ELFN1: variants seen among roughly 807,000 people sequenced by gnomAD.
ELFN1 encodes protein ELFN1.
In ELFN1, 6 loss-of-function variants were observed where a neutral mutation model predicts 7.6. The ratio of observed to expected loss-of-function variants is 0.79; its 90% CI spans 0.43 to 1.56. The LOEUF (loss-of-function observed/expected upper bound fraction) is 1.56, where lower values mean the gene tolerates loss of function less well. Among genes scored for constraint, ELFN1 ranks in the 40% most tolerant of loss-of-function variants. The pLI, the probability that ELFN1 is intolerant of heterozygous loss-of-function variation, is 0.01. For synonymous variants in ELFN1, 657 were observed against 588.1 expected, an observed-to-expected ratio of 1.12 and a Z score of -1.70; for missense variants, 1,169 against 1,232.2, an observed-to-expected ratio of 0.95 and a Z score of 0.77.
Position 1,745,029 on chromosome 7 carries a change from G to A in ELFN1, c.433G>A (p.Glu145Lys). Residue 145 changes from glutamate (E) to lysine (K), a missense_variant, in exon 4 of 4, where the codon GAG (glutamate) becomes AAG (lysine). By Grantham distance (56) the Glu-to-Lys change is moderately conservative (BLOSUM62 1). Coordinates refer to ENST00000424383, the MANE Select transcript of ELFN1 (RefSeq NM_001128636.4). ...CCTGTACCTGCAGGCCAACCTCATC[G>A]AGGTGGTCATGGCCAGCAGCTTCTG... ...EYLYLQANLI[E>K]VVMASSFWEC... 6.4e-7 allele frequency: 1 copy of A among 1,551,108 alleles called. No individual in the cohort carries two copies. Among genetic ancestry groups the A allele is most frequent in the Non-Finnish European group, 8.7e-7 (1 of 1,146,992 alleles).
At chr7:1,732,056 C>G (rs1780335834) in intron 3 of ELFN1, among the ~76,000 whole-genome samples, 1 of 152,196 alleles carries the variant, frequency 6.6e-6, no homozygotes, top group Non-Finnish European at 1.5e-5. Context: ...CCAGCCCTAC[C>G]TGCCCCGAGC....
upstream of ELFN1, among the ~76,000 whole-genome samples, chr7:1,670,006 G>T (rs538981442): frequency 6.6e-6 from 1 of 151,424 alleles, no homozygotes; most frequent in Admixed American, 6.6e-5. The surrounding 1 kb of genome is among the most constrained non-coding windows in gnomAD (Gnocchi z 6.4). Flanking sequence ...GGAAGGAGCG[G>T]GTTGCCGCGG....
At chr7:1,730,033 C>T (rs1182317519) in intron 3 of ELFN1, among the ~76,000 whole-genome samples, 1 of 152,234 alleles carries the variant, frequency 6.6e-6, no homozygotes, top group Non-Finnish European at 1.5e-5. Flanking sequence ...CGGGGACCAG[C>T]CCCTCCCAGA....
intron 3 of ELFN1, among the ~76,000 whole-genome samples, chr7:1,714,088 G>A (rs1048598088): frequency 1.3e-5 from 2 of 152,210 alleles, no homozygotes; most frequent in African/African-American, 4.8e-5. Context: ...AGGAACCTGG[G>A]ACGTTGAGTT....
At chr7:1,723,010 C>T (rs1372445915) in intron 3 of ELFN1, among the ~76,000 whole-genome samples, 4 of 152,104 alleles carry the variant, frequency 2.6e-5, no homozygotes, top group African/African-American at 9.7e-5. Flanking sequence ...GCCTGGCCAA[C>T]ATGGTGAAAC....
At position 1,747,520 on chromosome 7, in the gene ELFN1, G is replaced by C. The variant is rs1278474463; in HGVS notation, c.*437G>C. ...TAAAAAGACATAAAATGCCATCCGT[G>C]GGGGGTGTGGCCGGCGTGGCCACCT... On this transcript the variant is annotated 3_prime_UTR_variant, in exon 4 of 4. Coordinates refer to ENST00000424383, the MANE Select transcript of ELFN1 (RefSeq NM_001128636.4). 1.8e-5 allele frequency: 3 copies of C among 165,356 alleles called. No individual in the cohort carries two copies. Among genetic ancestry groups the C allele is most frequent in the African/African-American group, 7.2e-5 (3 of 41,480 alleles). The allele number at this position is 165,356 out of a possible 1,614,324, so 10.2% of individuals were successfully genotyped here. A position where few individuals can be genotyped will look rare whatever the true frequency, so the allele number is the denominator to read the frequency against.
Position 1,745,958 on chromosome 7 carries a change from C to T in ELFN1, c.1362C>T (p.Ala454=). Residue 454 remains alanine (A), a synonymous_variant, in exon 4 of 4, where the codon GCC becomes GCT. Coordinates refer to ENST00000424383, the MANE Select transcript of ELFN1 (RefSeq NM_001128636.4). ...RRQEEKHKKA[A]SAAAAGSLKK... is the part of the protein sequence containing the mutation. ...AGGAGGAGAAGCACAAGAAGGCCGCCTCGGCAGCCGCAGCTGGCAGCCTCA... is the reference window on the plus strand; with the variant it reads ...AGGAGGAGAAGCACAAGAAGGCCGCTTCGGCAGCCGCAGCTGGCAGCCTCA... The T allele has an allele frequency of 1.3e-6, 2 of 1,547,724 alleles. No homozygotes were observed. The highest frequency in any genetic ancestry group is 1.7e-6 in the Non-Finnish European group (2 of 1,145,552).
intron 1 of ELFN1, among the ~76,000 whole-genome samples, chr7:1,672,934 C>T (rs534619245): frequency 8.5e-4 from 129 of 151,312 alleles, no homozygotes; most frequent in African/African-American, 2.7e-3. Flanking sequence ...GGTGGCGGGG[C>T]GGGGGGCAGG....
chr7:1,737,101 G>A (rs966779883), intron 3 of ELFN1, among the ~76,000 whole-genome samples: 2 of 152,024 alleles, frequency 1.3e-5, no homozygotes, highest in South Asian at 2.1e-4. Flanking sequence ...TTCATGGCTC[G>A]AACACACCCC....
chr7:1,679,177 G>GCACACACACACA (rs148307616), intron 1 of ELFN1, among the ~76,000 whole-genome samples: 3 of 149,462 alleles, frequency 2.0e-5, no homozygotes, highest in African/African-American at 7.6e-5. Flanking sequence ...ACACGTACGC[G>GCACACACACACA]CGCACACACA....
intron 1 of ELFN1, among the ~76,000 whole-genome samples, chr7:1,686,721 G>C (rs1779067987): frequency 6.6e-6 from 1 of 152,052 alleles, no homozygotes; most frequent in Non-Finnish European, 1.5e-5. Flanking sequence ...TGTCTCCTCT[G>C]CATATGCCTA....
At chr7:1,726,935 G>T (rs1380129089) in intron 3 of ELFN1, among the ~76,000 whole-genome samples, 1 of 152,186 alleles carries the variant, frequency 6.6e-6, no homozygotes, top group Non-Finnish European at 1.5e-5. Context: ...TCCTCTGAGG[G>T]TCGTTTTACA....
rs1271254512 is a variant in ELFN1 at position 1,746,279 on chromosome 7, G to A, written c.1683G>A (p.Glu561=). 3 of 1,595,972 alleles carry A rather than the reference G, an allele frequency of 1.9e-6. No homozygotes were observed. Among genetic ancestry groups the A allele is most frequent in the Non-Finnish European group, 2.6e-6 (3 of 1,172,494 alleles). The change falls in exon 4 of 4, where the codon GAG becomes GAA. Residue 561 remains glutamate, a synonymous_variant. Transcript: ENST00000424383. Reference sequence around the variant, plus strand: ...CCGAGATCTCCACCATCGCCAAGGAGGTGGACAAGGTCAACCAGATCATCA... The same window carrying A: ...CCGAGATCTCCACCATCGCCAAGGAAGTGGACAAGGTCAACCAGATCATCA... ...SVAEISTIAK[E]VDKVNQIINN... is the part of the protein sequence containing the mutation.
rs1021506963 is a variant in ELFN1 at position 1,735,986 on chromosome 7, T to C, written c.-293-8318T>C. Among the ~76,000 whole-genome samples, 1 of 152,142 alleles carries C rather than the reference T, an allele frequency of 6.6e-6. No individual in the cohort carries two copies. The highest frequency in any genetic ancestry group is 2.4e-5 in the African/African-American group (1 of 41,446). ...GCACGGCAGAGCCAACACCATCTCC[T>C]GGCCCACGATGGTTCTGTGTCCCCT... On this transcript the variant is annotated intron_variant, in intron 3 of 3. Transcript: ENST00000424383. This position sits in a 1 kb window ranked among gnomAD's most constrained non-coding sequence, Gnocchi z 5.9.
chr7:1,693,329 C>A (rs116937847), intron 2 of ELFN1: 149 of 460,340 alleles, frequency 3.2e-4, no homozygotes, highest in Middle Eastern at 9.9e-4. Flanking sequence ...TGCCCGATTC[C>A]AAGAGTCTGG....
rs1257210291 is a variant in ELFN1, at chr7:1,673,445, C to T, written c.-549+3091C>T. Among the ~76,000 whole-genome samples, 2 of 152,152 alleles carry T rather than the reference C, an allele frequency of 1.3e-5. No homozygotes were observed. The highest frequency in any genetic ancestry group is 2.9e-5 in the Non-Finnish European group (2 of 68,008). On this transcript the variant is annotated intron_variant, in intron 1 of 3. Coordinates refer to ENST00000424383, the MANE Select transcript of ELFN1 (RefSeq NM_001128636.4). The surrounding 1 kb of genome is among the most constrained non-coding windows in gnomAD (Gnocchi z 4.7). Reference sequence around the variant, plus strand: ...AGTGGCACCGACAGTAAACAGGAAGCAGGGTGGCAGCTATGGGCACTCGAG... The same window carrying T: ...AGTGGCACCGACAGTAAACAGGAAGTAGGGTGGCAGCTATGGGCACTCGAG...
chr7:1,670,182 G>A (rs1778735264), upstream of ELFN1, among the ~76,000 whole-genome samples: 2 of 146,268 alleles, frequency 1.4e-5, no homozygotes, highest in South Asian at 4.4e-4. The surrounding 1 kb of genome is among the most constrained non-coding windows in gnomAD (Gnocchi z 6.4). Flanking sequence ...AAGGGGGGCG[G>A]GAGGGGGCAG....
Position 1,690,175 on chromosome 7 carries a change from G to A in ELFN1, c.-456+2025G>A, listed in dbSNP as rs138530321. ...TGGATAGGTGAGTGGATGGATGGGT[G>A]GGTAAATGGATGAATGGATGAATAA... On this transcript the variant is annotated intron_variant, in intron 2 of 3. Coordinates refer to ENST00000424383, the MANE Select transcript of ELFN1 (RefSeq NM_001128636.4). 9.1e-3 allele frequency among the ~76,000 whole-genome samples: 1,380 copies of A among 152,152 alleles called. 53 individuals carry two copies. Among genetic ancestry groups the A allele is most frequent in the Non-Finnish European group, 4.2e-3 (287 of 67,986 alleles).
At chr7:1,721,654 C>T (rs964005509) in intron 3 of ELFN1, among the ~76,000 whole-genome samples, 10 of 152,212 alleles carry the variant, frequency 6.6e-5, no homozygotes, top group African/African-American at 1.2e-4. Context: ...CTCAGTCCAT[C>T]GGGTGTTTCC....
Sources: allele counts gnomAD v4.1 joint callset (sites outside exome capture counted in the v4.1 genomes callset), GRCh38; gene constraint gnomAD v4.1.1; non-coding constraint Gnocchi (gnomAD v3.1); transcripts MANE v1.5; gene names NCBI Gene and HGNC (gene_info 2026-07-23, HGNC 2026-07-21).